The following FBP1 variants were observed in gnomAD, a reference collection of about 807,000 sequenced individuals.
The protein encoded by FBP1 is fructose-bisphosphatase 1.
A neutral mutation model predicts 29.9 loss-of-function variants in FBP1; 22 were observed. That is an observed-to-expected ratio of 0.74 (90% CI 0.53 to 1.05). FBP1 has a LOEUF of 1.05. FBP1 is among the 50% of genes least tolerant of loss of function. The pLI, the probability that FBP1 is intolerant of heterozygous loss-of-function variation, is 0.00. For synonymous variants in FBP1, 175 were observed against 178.6 expected, an observed-to-expected ratio of 0.98 and a Z score of 0.16; for missense variants, 345 against 448.2, an observed-to-expected ratio of 0.77 and a Z score of 2.08.
chr9:94,618,630 C>T (rs916999332), intron 2 of FBP1, among the ~76,000 whole-genome samples: 6 of 151,990 alleles, frequency 3.9e-5, no homozygotes, highest in African/African-American at 1.5e-4. Flanking sequence ...CAGAATGAGG[C>T]CCTGTCTCTA....
intron 3 of FBP1, among the ~76,000 whole-genome samples, chr9:94,611,083 T>C (rs915356487): frequency 3.9e-5 from 6 of 152,082 alleles, no homozygotes; most frequent in African/African-American, 1.4e-4. Context: ...CAGGATGGTC[T>C]CTATTTCCTG....
chr9:94,622,222 G>A (rs28369690), intron 1 of FBP1, among the ~76,000 whole-genome samples: 6,604 of 152,320 alleles, frequency 0.043, 497 homozygotes, highest in African/African-American at 0.15. Context: ...GCGGCAGGTT[G>A]TCATAGCCTG....
intron 1 of FBP1, among the ~76,000 whole-genome samples, chr9:94,623,454 G>T (rs28369681): frequency 0.045 from 6,866 of 152,234 alleles, 524 homozygotes; most frequent in African/African-American, 0.15. Context: ...CTGCCCCCAC[G>T]CGGCTGTCAG....
Position 94,605,526 on chromosome 9 carries a change from A to C in FBP1, c.756T>G (p.Asp252Glu). The change falls in exon 6 of 7, where the codon GAT (aspartate) becomes GAG (glutamate). Residue 252 changes from aspartate (D) to glutamate (E), a missense_variant. Transcript: ENST00000375326. ...CTCCGTAGACCAGAGTGCGATGAAC[A>C]TCAGCCACCATGGAGCCCACATACC... ...GARYVGSMVA[D>E]VHRTLVYGGI... 1 of 1,613,956 alleles carries C rather than the reference A, an allele frequency of 6.2e-7. No individual in the cohort carries two copies. The highest frequency in any genetic ancestry group is 1.1e-5 in the South Asian group (1 of 91,058).
chr9:94,620,241 C>T (rs1423248465), intron 2 of FBP1, 88 bp downstream of exon 2: 22 of 1,422,736 alleles, frequency 1.5e-5, no homozygotes. Flanking sequence ...CCCAGAAACC[C>T]AGCTCAGCTG....
At chr9:94,628,802 C>T (rs1828062350) in intron 1 of FBP1, among the ~76,000 whole-genome samples, 1 of 152,052 alleles carries the variant, frequency 6.6e-6, no homozygotes, top group African/African-American at 2.4e-5. Flanking sequence ...TTCCATATAT[C>T]CAAGTTGAAG....
Position 94,639,503 on chromosome 9 carries a change from G to T in FBP1, c.-193C>A. On this transcript the variant is annotated 5_prime_UTR_variant, in exon 1 of 7. Transcript: ENST00000375326. ...CGCCCCGAGTGTCCGCAGCGCTCGTGGTGCAACTGGGCCAGGCCAGGCGCC... is the reference window on the plus strand; with the variant it reads ...CGCCCCGAGTGTCCGCAGCGCTCGTTGTGCAACTGGGCCAGGCCAGGCGCC... 2 of 674,910 alleles carry T rather than the reference G, an allele frequency of 3.0e-6. No homozygotes were observed. The highest frequency in any genetic ancestry group is 2.7e-5 in the East Asian group (1 of 36,740). The allele number at this position is 674,910 out of a possible 1,614,324, so 41.8% of individuals were successfully genotyped here. A position where few individuals can be genotyped will look rare whatever the true frequency, so the allele number is the denominator to read the frequency against.
chr9:94,638,270 A>G (rs974108583), intron 1 of FBP1, among the ~76,000 whole-genome samples: 3 of 152,174 alleles, frequency 2.0e-5, no homozygotes, highest in Non-Finnish European at 4.4e-5. Flanking sequence ...AGCACCCACC[A>G]CAGGAGAACT....
Position 94,639,250 on chromosome 9 carries a change from C to G in FBP1, c.61G>C (p.Glu21Gln). 6.2e-7 allele frequency: 1 copy of G among 1,603,646 alleles called. No homozygotes were observed. Among genetic ancestry groups the G allele is most frequent in the Middle Eastern group, 1.7e-4 (1 of 6,044 alleles). ...CCCGTGCCGCGGGCCTTCCTGCCCT[C>G]CTCCATGACGAAGCGGGTCAGGGTG... ...VNTLTRFVMEEGRKARGTGEL... is the reference protein window; with the variant it reads ...VNTLTRFVMEQGRKARGTGEL... Residue 21 changes from glutamate (E) to glutamine (Q), a missense_variant, in exon 1 of 7, where the codon GAG becomes CAG. Glu to Gln is a conservative substitution (Grantham distance 29). Transcript: ENST00000375326.
chr9:94,624,513 C>T (rs901819033), intron 1 of FBP1, among the ~76,000 whole-genome samples: 4 of 151,720 alleles, frequency 2.6e-5, no homozygotes, highest in Non-Finnish European at 2.9e-5. Context: ...ATTAGCTGGG[C>T]GTGGTGGCAC....
At chr9:94,621,213 CAAAAAAAAAAAAAAA>C (rs57221045) in intron 1 of FBP1, among the ~76,000 whole-genome samples, 18 of 43,988 alleles carry the variant, frequency 4.1e-4, no homozygotes, top group South Asian at 2.8e-3. Flanking sequence ...GACTCCGTCT[CAAAAAAAAAAAAAAA>C]AAAAAAAAAT....
At chr9:94,612,381 C>A (rs1827797840) in intron 3 of FBP1, among the ~76,000 whole-genome samples, 1 of 152,134 alleles carries the variant, frequency 6.6e-6, no homozygotes, top group Non-Finnish European at 1.5e-5. Context: ...CAAAAGTAAA[C>A]AGCCCTTCCC....
At chr9:94,628,780 C>T (rs148785256) in intron 1 of FBP1, among the ~76,000 whole-genome samples, 22 of 152,244 alleles carry the variant, frequency 1.4e-4, no homozygotes, top group African/African-American at 5.3e-4. Context: ...TCCAGAGACC[C>T]GGATATTTGG....
At chr9:94,627,471 A>G (rs1402328918) in intron 1 of FBP1, among the ~76,000 whole-genome samples, 1 of 152,196 alleles carries the variant, frequency 6.6e-6, no homozygotes, top group East Asian at 1.9e-4. Context: ...ATCACCACCT[A>G]GAGAGGGCGG....
intron 4 of FBP1, among the ~76,000 whole-genome samples, chr9:94,608,354 T>C (rs1302752525): frequency 6.6e-6 from 1 of 152,130 alleles, no homozygotes; most frequent in Non-Finnish European, 1.5e-5. Context: ...CTTCCAAACA[T>C]TCAGGACTGA....
rs1563991816 is a variant in FBP1, at chr9:94,639,373, G to A, written c.-63C>T. 6.4e-7 allele frequency: 1 copy of A among 1,552,710 alleles called. No homozygotes were observed. ...CGGCAGGTGCGGGGCTGCAGGTGCG[G>A]GCGGCAAGAGAGGGCAGTAGGCACT... On this transcript the variant is annotated 5_prime_UTR_variant, in exon 1 of 7. Coordinates refer to ENST00000375326, the MANE Select transcript of FBP1 (RefSeq NM_000507.4).
intron 3 of FBP1, among the ~76,000 whole-genome samples, chr9:94,616,577 C>G (rs1003337481): frequency 1.3e-5 from 2 of 151,660 alleles, no homozygotes; most frequent in Non-Finnish European, 2.9e-5. Context: ...GGACTACAGG[C>G]GCCCACCACC....
In FBP1 at chr9:94,603,581, C is replaced by G. The variant is rs200948424; in HGVS notation, c.826-9G>C. On this transcript the variant is annotated splice_polypyrimidine_tract_variant and intron_variant, in intron 6 of 6. Transcript: ENST00000375326. ...TCGTACAGCAGTCTCAGCTGGAAAACAAGACCGGGTAGCGGCCTCCTTGTA... is the reference window on the plus strand; with the variant it reads ...TCGTACAGCAGTCTCAGCTGGAAAAGAAGACCGGGTAGCGGCCTCCTTGTA... The G allele has an allele frequency of 2.8e-3, 4,531 of 1,613,914 alleles. 136 individuals are homozygous for G. In the South Asian group the frequency reaches 0.046, roughly 17 times the overall value.
At chr9:94,630,868 C>A (rs144630019) in intron 1 of FBP1, among the ~76,000 whole-genome samples, 60 of 152,254 alleles carry the variant, frequency 3.9e-4, no homozygotes, top group Middle Eastern at 3.4e-3. Flanking sequence ...GCGCGCGGTG[C>A]ACCTGGTTCA....
Sources: allele counts gnomAD v4.1 joint callset (sites outside exome capture counted in the v4.1 genomes callset), GRCh38; gene constraint gnomAD v4.1.1; transcripts MANE v1.5; gene names NCBI Gene and HGNC (gene_info 2026-07-23, HGNC 2026-07-21).